The following PLCB4 variants were observed in gnomAD, a reference collection of about 807,000 sequenced individuals.
PLCB4 encodes phospholipase C beta 4.
Under a neutral mutation model 178.8 loss-of-function variants are expected in PLCB4, and 77 were observed. The observed-to-expected ratio is 0.43, with a 90% CI of 0.36 to 0.52. The LOEUF is 0.52. Ranked by LOEUF, PLCB4 falls within the 20% of genes least tolerant of loss-of-function variation. The probability of loss-of-function intolerance (pLI) is 0.00; values close to 1 mark genes in which losing one functional copy is unlikely to be tolerated. For missense variants in PLCB4, 1,024 were observed against 1,453.4 expected (o/e 0.70, Z 4.80); for synonymous variants, 496 against 490.8 (o/e 1.01, Z -0.14).
chr20:9,210,613 A>T (rs1200549235), intron 2 of PLCB4, among the ~76,000 whole-genome samples: 1 of 152,164 alleles, frequency 6.6e-6, no homozygotes, highest in African/African-American at 2.4e-5. Flanking sequence ...TTGCCACATC[A>T]TCCAAATTTC....
At position 9,445,899 on chromosome 20, in the gene PLCB4, G is replaced by T. The variant is rs182508415; in HGVS notation, c.2880+1656G>T. On this transcript the variant is annotated intron_variant, in intron 32 of 39. Transcript: ENST00000378473. ...CCGTATGCTGCAGCACTATCTAACA[G>T]ATTTTTCTTGCATTTAAATTGGATC... is the stretch of plus-strand genomic sequence containing the variant. 3.3e-5 allele frequency among the ~76,000 whole-genome samples: 5 copies of T among 152,278 alleles called. No homozygotes were observed. In the East Asian group the frequency reaches 9.6e-4, roughly 29 times the overall value.
In PLCB4 at chr20:9,375,749, C is replaced by G. The variant is rs377522110; in HGVS notation, c.744+2645C>G. Among the ~76,000 whole-genome samples, 64 of 152,220 alleles carry G rather than the reference C, an allele frequency of 4.2e-4. No homozygotes were observed. The East Asian group carries it at 8.9e-3, about 21-fold the overall frequency. On this transcript the variant is annotated intron_variant, in intron 12 of 39. Coordinates refer to ENST00000378473, the MANE Select transcript of PLCB4 (RefSeq NM_001377142.1). ...CTCATTTGCAGATGTTGATTGTCTA[C>G]TCTGATATAAACAATTCCACGGAAA...
intron 3 of PLCB4, among the ~76,000 whole-genome samples, chr20:9,251,895 C>A (rs2094184946): frequency 6.6e-6 from 1 of 152,064 alleles, no homozygotes; most frequent in Non-Finnish European, 1.5e-5. Context: ...CCAATATATT[C>A]ATACTATTAT....
intron 3 of PLCB4, among the ~76,000 whole-genome samples, chr20:9,272,763 G>A (rs533623569): frequency 3.9e-4 from 59 of 152,156 alleles, no homozygotes; most frequent in African/African-American, 1.4e-3. Context: ...AAAATGAAAA[G>A]ATGTTCTTGG....
chr20:9,315,011 A>G (rs555928412), intron 4 of PLCB4, among the ~76,000 whole-genome samples: 43 of 152,126 alleles, frequency 2.8e-4, no homozygotes, highest in African/African-American at 1.0e-3. Flanking sequence ...ATCTGGGATT[A>G]CAAGCATGTG....
chr20:9,397,469 A>T (rs1234687911), intron 19 of PLCB4, among the ~76,000 whole-genome samples: 1 of 152,190 alleles, frequency 6.6e-6, no homozygotes, highest in African/African-American at 2.4e-5. Flanking sequence ...TCTTAATAGC[A>T]TCTAGAATGG....
At chr20:9,461,431 T>G (rs140657595) in intron 35 of PLCB4, among the ~76,000 whole-genome samples, 1 of 152,206 alleles carries the variant, frequency 6.6e-6, no homozygotes, top group East Asian at 1.9e-4. Context: ...GCCCAAGAAG[T>G]GTGAGCCAAA....
chr20:9,334,836 TC>T (rs764684528), intron 4 of PLCB4, among the ~76,000 whole-genome samples: 1 of 151,982 alleles, frequency 6.6e-6, no homozygotes, highest in Non-Finnish European at 1.5e-5. Context: ...CAGATGGAAT[TC>T]CAAGAGTGAG....
intron 1 of PLCB4, among the ~76,000 whole-genome samples, chr20:9,071,857 A>G (rs1244076717): frequency 6.6e-6 from 1 of 152,188 alleles, no homozygotes; most frequent in Non-Finnish European, 1.5e-5. Flanking sequence ...GTGATCACTT[A>G]TAAAGTAAGG....
rs555581974 is a variant in PLCB4 at position 9,334,229 on chromosome 20, A to G, written c.85-2897A>G. On this transcript the variant is annotated intron_variant, in intron 4 of 39. Coordinates refer to ENST00000378473, the MANE Select transcript of PLCB4 (RefSeq NM_001377142.1). Reference sequence around the variant, plus strand: ...GTGTTTCAAGAAGGAAGGAATAATCAAACTCTCAGAGATCAACTCAGGTGA... The same window carrying G: ...GTGTTTCAAGAAGGAAGGAATAATCGAACTCTCAGAGATCAACTCAGGTGA... Among the ~76,000 whole-genome samples, 5 of 152,312 alleles carry G rather than the reference A, an allele frequency of 3.3e-5. No individual in the cohort carries two copies. In the East Asian group the frequency reaches 9.7e-4, roughly 29 times the overall value.
intron 4 of PLCB4, among the ~76,000 whole-genome samples, chr20:9,327,953 TC>T (rs1196964094): frequency 6.6e-6 from 1 of 152,246 alleles, no homozygotes; most frequent in Admixed American, 6.5e-5. Flanking sequence ...TGGATCAGGT[TC>T]ATCTAAAACC....
chr20:9,173,852 C>T (rs2093107155), intron 2 of PLCB4, among the ~76,000 whole-genome samples: 1 of 152,144 alleles, frequency 6.6e-6, no homozygotes, highest in South Asian at 2.1e-4. Flanking sequence ...ACCCCAAATT[C>T]ACTTCCCCAC....
At chr20:9,177,435 C>G (rs1385714039) in intron 2 of PLCB4, among the ~76,000 whole-genome samples, 1 of 152,088 alleles carries the variant, frequency 6.6e-6, no homozygotes, top group Non-Finnish European at 1.5e-5. Context: ...GAGACAGGGC[C>G]AAGGTGCTGG....
chr20:9,401,593 C>G lies in PLCB4; in HGVS notation c.1611+3C>G. On this transcript the variant is annotated splice_donor_region_variant and intron_variant, in intron 20 of 39. Coordinates refer to ENST00000378473, the MANE Select transcript of PLCB4 (RefSeq NM_001377142.1). ...CTGTTGCAAATAGCGTCAAGAAGGT[C>G]AGAGTCCCCTTTCTTTCATCACTCT... 1 of 1,590,926 alleles carries G rather than the reference C, an allele frequency of 6.3e-7. No homozygotes were observed. The highest frequency in any genetic ancestry group is 8.6e-7 in the Non-Finnish European group (1 of 1,159,400).
intron 21 of PLCB4, among the ~76,000 whole-genome samples, chr20:9,407,617 A>T (rs904441277): frequency 6.6e-6 from 1 of 152,142 alleles, no homozygotes; most frequent in Admixed American, 6.5e-5. Context: ...AAAGTGCTGG[A>T]TTAAAGGCAT....
At chr20:9,276,426 C>G (rs1161561237) in intron 3 of PLCB4, among the ~76,000 whole-genome samples, 1 of 152,044 alleles carries the variant, frequency 6.6e-6, no homozygotes, top group Non-Finnish European at 1.5e-5. Flanking sequence ...ATGTGAGTCT[C>G]AGACGGGGAG....
chr20:9,161,440 G>A (rs919521285), intron 2 of PLCB4, among the ~76,000 whole-genome samples: 1 of 152,132 alleles, frequency 6.6e-6, no homozygotes, highest in Non-Finnish European at 1.5e-5. Context: ...AAATCAAATC[G>A]CTCTGATGCC....
At chr20:9,402,979 ACTTAAC>A (rs2039151193) in intron 20 of PLCB4, among the ~76,000 whole-genome samples, 1 of 152,308 alleles carries the variant, frequency 6.6e-6, no homozygotes, top group Admixed American at 6.5e-5. Context: ...TGGGTAAGTT[ACTTAAC>A]CTCTGTGTAC....
chr20:9,304,580 CT>C (rs2147852850), intron 3 of PLCB4, among the ~76,000 whole-genome samples: 1 of 152,214 alleles, frequency 6.6e-6, no homozygotes, highest in South Asian at 2.1e-4. Flanking sequence ...ATATTCAGAT[CT>C]TCGAGATTCT....
Sources: gnomAD v4.1 joint callset for allele counts (sites outside exome capture counted in the v4.1 genomes callset) on GRCh38, gnomAD v4.1.1 for gene constraint, MANE v1.5 for transcripts, NCBI Gene and HGNC (gene_info 2026-07-23, HGNC 2026-07-21) for gene names.